The following NMNAT2 variants were observed in gnomAD, a reference collection of about 807,000 sequenced individuals.
The protein encoded by NMNAT2 is nicotinamide nucleotide adenylyltransferase 2, also known as nicotinamide/nicotinic acid mononucleotide adenylyltransferase 2.
A neutral mutation model predicts 41.6 loss-of-function variants in NMNAT2; 11 were observed. The ratio of observed to expected loss-of-function variants is 0.26; its 90% CI spans 0.17 to 0.44. The LOEUF (loss-of-function observed/expected upper bound fraction) is 0.44, where lower values mean the gene tolerates loss of function less well. Among genes scored for constraint, NMNAT2 ranks in the 20% least tolerant of loss-of-function variants. NMNAT2 has a pLI of 1.00. For missense variants in NMNAT2, 288 were observed against 407.7 expected (o/e 0.71, Z 2.53); for synonymous variants, 148 against 151.2 (o/e 0.98, Z 0.16).
At chr1:183,366,338 C>T (rs1011474076) in intron 1 of NMNAT2, among the ~76,000 whole-genome samples, 10 of 152,210 alleles carry the variant, frequency 6.6e-5, no homozygotes, top group Non-Finnish European at 1.5e-5. Context: ...TTCATAGGGT[C>T]ATTTTTAGAA....
At chr1:183,367,239 A>G (rs1425158501) in intron 1 of NMNAT2, among the ~76,000 whole-genome samples, 1 of 152,062 alleles carries the variant, frequency 6.6e-6, no homozygotes, top group Non-Finnish European at 1.5e-5. Context: ...CGGGCAGATC[A>G]CCTGAGGTCG....
chr1:183,337,569 C>CAAAAAAAA (rs71127343), intron 1 of NMNAT2, among the ~76,000 whole-genome samples: 22 of 100,568 alleles, frequency 2.2e-4, no homozygotes, highest in Admixed American at 3.4e-4. Context: ...CTCTCCACAG[C>CAAAAAAAA]AAAAAAAAAA....
intron 2 of NMNAT2, 145 bp from the exon 3 acceptor site, chr1:183,293,002 C>A: frequency 1.3e-6 from 1 of 760,456 alleles, no homozygotes; most frequent in Non-Finnish European, 2.2e-6. Context: ...TTTACTTGTC[C>A]GTTTGCCACA....
At chr1:183,315,853 G>T (rs958415206) in intron 1 of NMNAT2, among the ~76,000 whole-genome samples, 1 of 150,408 alleles carries the variant, frequency 6.6e-6, no homozygotes, top group Non-Finnish European at 1.5e-5. Context: ...ACCATGGCAC[G>T]TGTATATCTA....
At chr1:183,355,060 T>A (rs1663153657) in intron 1 of NMNAT2, among the ~76,000 whole-genome samples, 1 of 152,204 alleles carries the variant, frequency 6.6e-6, no homozygotes, top group Admixed American at 6.5e-5. Context: ...ATGCAACCCC[T>A]GGCCCACCCA....
At chr1:183,262,614 A>G (rs1660690782) in intron 8 of NMNAT2, among the ~76,000 whole-genome samples, 1 of 152,212 alleles carries the variant, frequency 6.6e-6, no homozygotes, top group South Asian at 2.1e-4. Context: ...TTATACAAAA[A>G]TCTTTTATCA....
chr1:183,413,808 C>T (rs1557904374), intron 1 of NMNAT2, among the ~76,000 whole-genome samples: 1 of 152,080 alleles, frequency 6.6e-6, no homozygotes, highest in East Asian at 1.9e-4. Flanking sequence ...GGGGTTTCAC[C>T]GTGTTCGCCA....
At chr1:183,322,052 T>C (rs192429892) in intron 1 of NMNAT2, among the ~76,000 whole-genome samples, 2 of 152,130 alleles carry the variant, frequency 1.3e-5, no homozygotes, top group Non-Finnish European at 2.9e-5. Flanking sequence ...TTGGAACACC[T>C]GGGCTCAAGT....
chr1:183,282,638 C>A (rs1296489162), intron 7 of NMNAT2, among the ~76,000 whole-genome samples: 1 of 152,238 alleles, frequency 6.6e-6, no homozygotes, highest in African/African-American at 2.4e-5. Context: ...GGTGACCAGG[C>A]TGGAACTGCA....
chr1:183,260,921 G>A, intron 10 of NMNAT2, 81 bp downstream of exon 10: 1 of 1,090,256 alleles, frequency 9.2e-7, no homozygotes, highest in Non-Finnish European at 1.4e-6. Context: ...GAATCTTAGG[G>A]TCATCTTTGA....
intron 1 of NMNAT2, among the ~76,000 whole-genome samples, chr1:183,365,669 C>T (rs541721055): frequency 1.5e-4 from 23 of 151,910 alleles, no homozygotes; most frequent in African/African-American, 3.4e-4. Flanking sequence ...ACCTGGGAGG[C>T]GGAGGTTGCA....
chr1:183,350,197 G>A (rs1447025951), intron 1 of NMNAT2, among the ~76,000 whole-genome samples: 2 of 152,178 alleles, frequency 1.3e-5, no homozygotes, highest in African/African-American at 2.4e-5. Context: ...TAAATGAATG[G>A]GGAGAGGTGA....
rs2102269013 is a variant in NMNAT2, at chr1:183,251,831, G to GA, written c.*809dup. The GA allele has an allele frequency of 1.3e-5, 2 of 158,620 alleles. No homozygotes were observed. Among genetic ancestry groups the GA allele is most frequent in the South Asian group, 3.4e-4 (2 of 5,948 alleles). The allele number at this position is 158,620 out of a possible 1,614,324, so 9.8% of individuals were successfully genotyped here. On this transcript the variant is annotated 3_prime_UTR_variant, in exon 11 of 11. Coordinates refer to ENST00000287713, the MANE Select transcript of NMNAT2 (RefSeq NM_015039.4). ...ACTCGTGTCCCAGGTTTCAGAACCC[G>GA]AAAATCTCACTCCTGATCAAAGGTT... is the stretch of plus-strand genomic sequence containing the variant.
intron 8 of NMNAT2, among the ~76,000 whole-genome samples, chr1:183,265,936 A>G (rs1660801455): frequency 6.6e-6 from 1 of 152,222 alleles, no homozygotes; most frequent in Admixed American, 6.5e-5. Context: ...CCCAGAAGAG[A>G]GAAGATAATG....
At chr1:183,341,523 CA>C (rs33955752) in intron 1 of NMNAT2, among the ~76,000 whole-genome samples, 13,001 of 81,336 alleles carry the variant, frequency 0.16, 871 homozygotes, top group African/African-American at 0.26. Flanking sequence ...ACAAAAAATG[CA>C]AAAAAAAAAA....
intron 1 of NMNAT2, among the ~76,000 whole-genome samples, chr1:183,377,234 C>T (rs910801635): frequency 5.9e-5 from 9 of 152,034 alleles, no homozygotes; most frequent in African/African-American, 2.2e-4. Flanking sequence ...CCTGAGAGAG[C>T]CACAACCCTG....
chr1:183,261,420 T>A, intron 8 of NMNAT2, 117 bp from the exon 9 acceptor site: 4 of 899,994 alleles, frequency 4.4e-6, no homozygotes, highest in Non-Finnish European at 7.1e-6. Context: ...CAAGCTTTAG[T>A]CCCAAACCGG....
At chr1:183,389,938 C>T (rs566304899) in intron 1 of NMNAT2, among the ~76,000 whole-genome samples, 76 of 150,870 alleles carry the variant, frequency 5.0e-4, no homozygotes, top group African/African-American at 1.8e-3. Flanking sequence ...TACGTTAGTT[C>T]TCTCTTTGTC....
intron 1 of NMNAT2, among the ~76,000 whole-genome samples, chr1:183,344,747 GC>G: frequency 6.6e-6 from 1 of 152,254 alleles, no homozygotes; most frequent in Middle Eastern, 3.4e-3. Context: ...ATATTTAGAG[GC>G]CCCACGAAGT....
Sources: allele counts gnomAD v4.1 joint callset (sites outside exome capture counted in the v4.1 genomes callset), GRCh38; gene constraint gnomAD v4.1.1; transcripts MANE v1.5; gene names NCBI Gene and HGNC (gene_info 2026-07-23, HGNC 2026-07-21).